DISC1: variants seen among roughly 807,000 people sequenced by gnomAD.
The protein encoded by DISC1 is disrupted in schizophrenia 1 protein.
A neutral mutation model predicts 84.5 loss-of-function variants in DISC1; 57 were observed. That is an observed-to-expected ratio of 0.67 (90% confidence interval 0.55 to 0.84). The LOEUF is 0.84. Among genes scored for constraint, DISC1 ranks in the 40% least tolerant of loss-of-function variants. The probability of loss-of-function intolerance (pLI) is 0.00; values close to 1 mark genes in which losing one functional copy is unlikely to be tolerated. For synonymous variants in DISC1, 411 were observed against 415.2 expected (o/e 0.99, Z 0.12); for missense variants, 1,000 against 1,057.8 (o/e 0.95, Z 0.76).
chr1:231,719,077 A>G (rs1019904991), intron 3 of DISC1, among the ~76,000 whole-genome samples: 3 of 152,150 alleles, frequency 2.0e-5, no homozygotes, highest in African/African-American at 7.2e-5. Flanking sequence ...GTGAGCTATG[A>G]TCACACCACT....
intron 1 of DISC1, among the ~76,000 whole-genome samples, chr1:231,652,445 C>G (rs1317966210): frequency 6.6e-6 from 1 of 152,128 alleles, no homozygotes; most frequent in Non-Finnish European, 1.5e-5. Context: ...GGAAAACTTT[C>G]TTAAAGGAAA....
At chr1:232,007,965 C>T (rs1667664098) in intron 10 of DISC1, among the ~76,000 whole-genome samples, 1 of 152,176 alleles carries the variant, frequency 6.6e-6, no homozygotes, top group African/African-American at 2.4e-5. Flanking sequence ...CTCTTTCCCC[C>T]TGCGTTCTGC....
At chr1:231,863,766 A>G (rs763776653) in intron 9 of DISC1, among the ~76,000 whole-genome samples, 1 of 152,140 alleles carries the variant, frequency 6.6e-6, no homozygotes, top group African/African-American at 2.4e-5. Flanking sequence ...CTGGTTTCTC[A>G]TCTCCGTAAG....
At chr1:231,982,975 G>A (rs1663833228) in intron 10 of DISC1, among the ~76,000 whole-genome samples, 1 of 152,160 alleles carries the variant, frequency 6.6e-6, no homozygotes, top group Non-Finnish European at 1.5e-5. Flanking sequence ...CCAGTAGGAA[G>A]TAAAGACAAG....
chr1:231,708,977 CT>C (rs1218561448), intron 3 of DISC1, among the ~76,000 whole-genome samples: 1 of 152,192 alleles, frequency 6.6e-6, no homozygotes, highest in Non-Finnish European at 1.5e-5. Flanking sequence ...AGAGCATAAG[CT>C]TGTATATCTG....
At chr1:231,821,187 A>G (rs2081467922) in intron 9 of DISC1, among the ~76,000 whole-genome samples, 1 of 152,218 alleles carries the variant, frequency 6.6e-6, no homozygotes, top group African/African-American at 2.4e-5. Flanking sequence ...TTAAAATGAC[A>G]CATGAATGAG....
At chr1:231,788,762 A>G (rs2078083977) in intron 6 of DISC1, among the ~76,000 whole-genome samples, 1 of 152,192 alleles carries the variant, frequency 6.6e-6, no homozygotes, top group Non-Finnish European at 1.5e-5. Context: ...CATACAGTCA[A>G]GAGCAGCTGC....
chr1:231,799,438 G>A (rs547411870), intron 7 of DISC1, among the ~76,000 whole-genome samples: 1 of 152,178 alleles, frequency 6.6e-6, no homozygotes, highest in African/African-American at 2.4e-5. Context: ...CTCGTATCCC[G>A]GCAGAGAGAC....
chr1:231,996,961 G>A (rs2102944744), intron 10 of DISC1, among the ~76,000 whole-genome samples: 1 of 152,192 alleles, frequency 6.6e-6, no homozygotes. Flanking sequence ...TTTTCCCTGG[G>A]CAGAAATAGC....
chr1:231,917,415 C>T (rs79268356), intron 9 of DISC1, among the ~76,000 whole-genome samples: 438 of 152,288 alleles, frequency 2.9e-3, no homozygotes, highest in Non-Finnish European at 5.0e-3. Context: ...TGAAGCGAAG[C>T]GATCACTCTT....
chr1:231,749,129 T>A (rs1287158101), intron 3 of DISC1, among the ~76,000 whole-genome samples: 1 of 152,204 alleles, frequency 6.6e-6, no homozygotes, highest in East Asian at 1.9e-4. Flanking sequence ...GGACTGCCAT[T>A]CATCACAGTT....
intron 11 of DISC1, among the ~76,000 whole-genome samples, chr1:232,016,885 A>G (rs1307758586): frequency 1.3e-5 from 2 of 152,192 alleles, no homozygotes; most frequent in Non-Finnish European, 2.9e-5. Flanking sequence ...GTATAATTTG[A>G]ATATGTGGAT....
intron 11 of DISC1, 129 bp from the exon 12 acceptor site, chr1:232,026,306 A>T (rs1669460575): frequency 1.6e-6 from 1 of 633,092 alleles, no homozygotes; most frequent in Admixed American, 2.9e-5. Flanking sequence ...TACCCAGGGG[A>T]GACACAGGCC....
chr1:231,684,691 A>T (rs1380354628), intron 1 of DISC1: 1 of 152,194 alleles, frequency 6.6e-6, no homozygotes, highest in Admixed American at 6.5e-5. Flanking sequence ...CAGAACAGTC[A>T]TTCCAGTTTT....
At chr1:232,033,208 C>A (rs926308482) in intron 12 of DISC1, among the ~76,000 whole-genome samples, 1 of 152,138 alleles carries the variant, frequency 6.6e-6, no homozygotes, top group East Asian at 1.9e-4. Flanking sequence ...ATTATTTGCT[C>A]AGATAAAAAA....
intron 9 of DISC1, among the ~76,000 whole-genome samples, chr1:231,890,155 T>G (rs889891395): frequency 1.3e-5 from 2 of 152,186 alleles, no homozygotes; most frequent in Non-Finnish European, 1.5e-5. Context: ...GTGCAATAAG[T>G]TGTGTAGTTG....
At chr1:231,936,086 G>A (rs544509774) in intron 9 of DISC1, among the ~76,000 whole-genome samples, 5 of 152,246 alleles carry the variant, frequency 3.3e-5, no homozygotes, top group Admixed American at 2.0e-4. Context: ...TGCAGGAAAC[G>A]TCCTGAGCTT....
At position 231,668,367 on chromosome 1, in the gene DISC1, C is replaced by A. The variant is rs72758612; in HGVS notation, c.68-25459C>A. On this transcript the variant is annotated intron_variant, in intron 1 of 12. Coordinates refer to ENST00000439617, the MANE Select transcript of DISC1 (RefSeq NM_018662.3). ...CTTTAGATATTATAACATGTGTTTT[C>A]CTGTTGAACTCCTGTCTTCCTTCTT... 9.7e-3 allele frequency among the ~76,000 whole-genome samples: 1,472 copies of A among 152,218 alleles called. 8 individuals are homozygous for A. Among genetic ancestry groups the A allele is most frequent in the Non-Finnish European group, 0.016 (1,074 of 68,004 alleles).
chr1:231,798,861 T>C (rs200066242), intron 7 of DISC1, among the ~76,000 whole-genome samples: 135 of 152,136 alleles, frequency 8.9e-4, no homozygotes, highest in Non-Finnish European at 1.6e-3. Context: ...TGGAGTATTT[T>C]AGGCAGGATG....
Sources: gnomAD v4.1 joint callset for allele counts (sites outside exome capture counted in the v4.1 genomes callset) on GRCh38, gnomAD v4.1.1 for gene constraint, MANE v1.5 for transcripts, NCBI Gene and HGNC (gene_info 2026-07-23, HGNC 2026-07-21) for gene names.